ALK: variants seen among roughly 807,000 people sequenced by gnomAD.
The protein encoded by ALK is ALK tyrosine kinase receptor.
A neutral mutation model predicts 163.1 loss-of-function variants in ALK; 74 were observed. The observed-to-expected ratio is 0.45, with a 90% CI of 0.38 to 0.55. The LOEUF is 0.55. Among genes scored for constraint, ALK ranks in the 20% least tolerant of loss-of-function variants. The probability of loss-of-function intolerance (pLI) is 0.00; values close to 1 mark genes in which losing one functional copy is unlikely to be tolerated. For missense variants in ALK, 2,063 were observed against 2,105.3 expected (o/e 0.98, Z 0.39); for synonymous variants, 960 against 843.2 (o/e 1.14, Z -2.40).
At chr2:29,448,326 C>T (rs1374653252) in intron 4 of ALK, among the ~76,000 whole-genome samples, 1 of 152,138 alleles carries the variant, frequency 6.6e-6, no homozygotes, top group Non-Finnish European at 1.5e-5. Flanking sequence ...AGGCTGGCTT[C>T]GTTTGGCCAG....
intron 4 of ALK, among the ~76,000 whole-genome samples, chr2:29,393,937 C>A (rs1051328774): frequency 4.6e-4 from 70 of 152,202 alleles, no homozygotes; most frequent in African/African-American, 1.6e-3. Context: ...TCTTAAAAAC[C>A]CGGAAAGTCT....
chr2:29,724,755 T>A (rs1679521547), intron 1 of ALK, among the ~76,000 whole-genome samples: 1 of 152,156 alleles, frequency 6.6e-6, no homozygotes. Context: ...GCTTTCACAT[T>A]TTCTTCCAGC....
chr2:29,411,787 T>G (rs1669730741), intron 4 of ALK, among the ~76,000 whole-genome samples: 1 of 152,206 alleles, frequency 6.6e-6, no homozygotes, highest in Non-Finnish European at 1.5e-5. Context: ...AGCTCCTCAA[T>G]GTCATTCTCA....
intron 9 of ALK, among the ~76,000 whole-genome samples, chr2:29,292,353 G>C (rs1286143920): frequency 6.6e-6 from 1 of 152,146 alleles, no homozygotes; most frequent in Admixed American, 6.5e-5. Flanking sequence ...GGATAGTGTG[G>C]GAACATTGTG....
intron 3 of ALK, among the ~76,000 whole-genome samples, chr2:29,691,050 T>C (rs1218730144): frequency 2.6e-5 from 4 of 152,172 alleles, no homozygotes; most frequent in Non-Finnish European, 5.9e-5. Context: ...TGTTTTCTCT[T>C]CCTGAACCTT....
intron 3 of ALK, among the ~76,000 whole-genome samples, chr2:29,589,319 G>C (rs1280378750): frequency 2.0e-5 from 3 of 152,156 alleles, no homozygotes; most frequent in African/African-American, 7.2e-5. Context: ...TCACAGGCAG[G>C]ACAAATTGCC....
At chr2:29,554,241 G>A (rs1558381728) in intron 3 of ALK, among the ~76,000 whole-genome samples, 1 of 152,098 alleles carries the variant, frequency 6.6e-6, no homozygotes, top group South Asian at 2.1e-4. Flanking sequence ...CATTAAGTGG[G>A]GGGAAAAAGG....
At chr2:29,731,058 G>A (rs1055030383) in intron 1 of ALK, among the ~76,000 whole-genome samples, 2 of 152,132 alleles carry the variant, frequency 1.3e-5, no homozygotes, top group African/African-American at 2.4e-5. Flanking sequence ...GGTGAGTAAG[G>A]GCTTTGAAGG....
chr2:29,339,498 G>A (rs1045534519), intron 5 of ALK, among the ~76,000 whole-genome samples: 23 of 152,308 alleles, frequency 1.5e-4, no homozygotes, highest in Middle Eastern at 3.4e-3. Context: ...CCTGTGGGCC[G>A]TGGCAAGGAG....
chr2:29,331,595 G>A (rs1667441212), intron 5 of ALK, among the ~76,000 whole-genome samples: 1 of 152,184 alleles, frequency 6.6e-6, no homozygotes, highest in Admixed American at 6.5e-5. Context: ...AAGCTAGAAG[G>A]TAAAACGCCT....
intron 1 of ALK, among the ~76,000 whole-genome samples, chr2:29,778,817 G>A (rs1004865387): frequency 1.3e-5 from 2 of 152,054 alleles, no homozygotes; most frequent in East Asian, 1.9e-4. Flanking sequence ...TGAACCCCCC[G>A]TGCGTCCTGC....
chr2:29,727,486 G>A (rs1306312259), intron 1 of ALK, among the ~76,000 whole-genome samples: 2 of 152,140 alleles, frequency 1.3e-5, no homozygotes, highest in African/African-American at 2.4e-5. Context: ...GTGACCTTGG[G>A]TAAGCTGCTT....
At chr2:29,643,606 C>T (rs549141288) in intron 3 of ALK, among the ~76,000 whole-genome samples, 1 of 152,046 alleles carries the variant, frequency 6.6e-6, no homozygotes, top group African/African-American at 2.4e-5. Context: ...GAGCCAGGAG[C>T]GGGTGAACAG....
chr2:29,297,459 T>C (rs951981849), intron 8 of ALK, among the ~76,000 whole-genome samples: 13 of 152,182 alleles, frequency 8.5e-5, no homozygotes, highest in African/African-American at 2.4e-4. Context: ...CTTGGACAAA[T>C]GATTTTGTGA....
chr2:29,465,911 T>C lies in ALK; in HGVS notation c.1154+66004A>G, dbSNP rs974607036. On this transcript the variant is annotated intron_variant, in intron 4 of 28. Coordinates refer to ENST00000389048, the MANE Select transcript of ALK (RefSeq NM_004304.5). ...CAATATATTATGAGTTTATAACATA[T>C]GTAGAATTAAAATGTATTACAATAA... 4.6e-5 allele frequency among the ~76,000 whole-genome samples: 7 copies of C among 152,112 alleles called. No individual in the cohort carries two copies. In the South Asian group the frequency reaches 1.2e-3, roughly 27 times the overall value.
intron 1 of ALK, among the ~76,000 whole-genome samples, chr2:29,850,052 C>T (rs1665949839): frequency 6.6e-6 from 1 of 152,142 alleles, no homozygotes; most frequent in Non-Finnish European, 1.5e-5. Context: ...AAAATGATAG[C>T]CCCAAACTGC....
At chr2:29,479,393 C>A (rs1368541117) in intron 4 of ALK, among the ~76,000 whole-genome samples, 1 of 152,202 alleles carries the variant, frequency 6.6e-6, no homozygotes, top group East Asian at 1.9e-4. Context: ...ACACACAGGC[C>A]TGAAACTCAT....
intron 3 of ALK, among the ~76,000 whole-genome samples, chr2:29,543,761 C>A (rs1448829269): frequency 1.3e-5 from 2 of 152,124 alleles, no homozygotes; most frequent in Non-Finnish European, 2.9e-5. Context: ...TTTGTTTTTC[C>A]ATGGACAGCT....
chr2:29,354,830 G>C (rs1429297048), intron 5 of ALK, among the ~76,000 whole-genome samples: 1 of 148,656 alleles, frequency 6.7e-6, no homozygotes, highest in Non-Finnish European at 1.5e-5. Context: ...GCAGTGGCAC[G>C]ACCTTGGCTC....
Sources: gnomAD v4.1 joint callset for allele counts (sites outside exome capture counted in the v4.1 genomes callset) on GRCh38, gnomAD v4.1.1 for gene constraint, MANE v1.5 for transcripts, NCBI Gene and HGNC (gene_info 2026-07-23, HGNC 2026-07-21) for gene names.